Variants in GALC observed in about 807,000 individuals in gnomAD.
GALC encodes galactosylceramidase.
In GALC, 77 loss-of-function variants were observed where a neutral mutation model predicts 91.8. The ratio of observed to expected loss-of-function variants is 0.84; its 90% CI spans 0.70 to 1.01. GALC has a LOEUF of 1.01. Ranked by LOEUF, GALC falls within the 50% of genes least tolerant of loss-of-function variation. The pLI, the probability that GALC is intolerant of heterozygous loss-of-function variation, is 0.00. For missense variants in GALC, 882 were observed against 855.9 expected (o/e 1.03, Z -0.38); for synonymous variants, 357 against 306.7 (o/e 1.16, Z -1.71).
intron 16 of GALC, among the ~76,000 whole-genome samples, chr14:87,936,613 G>T (rs115362017): frequency 2.0e-5 from 3 of 151,714 alleles, no homozygotes; most frequent in African/African-American, 4.8e-5. Context: ...TGTCTGTTTC[G>T]TTCGCTGCTG....
Position 87,992,961 on chromosome 14 carries a change from G to C in GALC, c.195+9C>G. 6.6e-7 allele frequency: 1 copy of C among 1,513,160 alleles called. No homozygotes were observed. The highest frequency in any genetic ancestry group is 2.0e-5 in the Admixed American group (1 of 50,254). 93.7% of individuals were successfully genotyped at this position (1,513,160 alleles called of 1,614,324 possible). A position where few individuals can be genotyped will look rare whatever the true frequency, so the allele number is the denominator to read the frequency against. ...CGCCCCCCGCGTATCCCCGCAGCTTGCCGCTCACCCCGCCGCCGCTGACCG... is the reference window on the plus strand; with the variant it reads ...CGCCCCCCGCGTATCCCCGCAGCTTCCCGCTCACCCCGCCGCCGCTGACCG... On this transcript the variant is annotated intron_variant, in intron 1 of 16. Transcript: ENST00000261304.
At chr14:87,974,776 G>A (rs372876897) in intron 7 of GALC, among the ~76,000 whole-genome samples, 1 of 151,464 alleles carries the variant, frequency 6.6e-6, no homozygotes, top group East Asian at 1.9e-4. Flanking sequence ...AATACATTTG[G>A]TATTAAATGG....
intron 3 of GALC, chr14:87,987,025 C>A (rs1887004083): frequency 2.2e-6 from 1 of 455,568 alleles, no homozygotes; most frequent in Non-Finnish European, 4.4e-6. Flanking sequence ...GAGCCCTGTT[C>A]TCAGAACCCA....
At chr14:87,969,812 C>A (rs929482079) in intron 7 of GALC, among the ~76,000 whole-genome samples, 2 of 152,066 alleles carry the variant, frequency 1.3e-5, no homozygotes, top group African/African-American at 4.8e-5. Context: ...TGAATTAGGG[C>A]ACAATATCAA....
Position 87,982,190 on chromosome 14 carries a change from TA to T in GALC, c.621+14del. On this transcript the variant is annotated intron_variant, in intron 6 of 16. Coordinates refer to ENST00000261304, the MANE Select transcript of GALC (RefSeq NM_000153.4). ...TAAAAAGTTAAAAACAAAAAGATAC[TA>T]AAGTTGTACACACCTTAATATAATT... 6.9e-7 allele frequency: 1 copy of T among 1,442,076 alleles called. No homozygotes were observed. Among genetic ancestry groups the T allele is most frequent in the Non-Finnish European group, 9.7e-7 (1 of 1,030,988 alleles). 89.3% of individuals were successfully genotyped at this position (1,442,076 alleles called of 1,614,324 possible). A position where few individuals can be genotyped will look rare whatever the true frequency, so the allele number is the denominator to read the frequency against.
intron 9 of GALC, among the ~76,000 whole-genome samples, chr14:87,964,908 G>A (rs935779279): frequency 1.3e-5 from 2 of 151,980 alleles, no homozygotes; most frequent in Admixed American, 1.3e-4. Flanking sequence ...TCTTCAGTAC[G>A]TGCTCACTTT....
chr14:87,982,119 A>C lies in GALC; in HGVS notation c.621+86T>G, dbSNP rs1886773847. The C allele has an allele frequency of 4.1e-6, 3 of 731,942 alleles. No individual in the cohort carries two copies. In the Admixed American group the frequency reaches 7.3e-5, roughly 18 times the overall value. The allele number at this position is 731,942 out of a possible 1,614,324, so 45.3% of individuals were successfully genotyped here. A position where few individuals can be genotyped will look rare whatever the true frequency, so the allele number is the denominator to read the frequency against. On this transcript the variant is annotated intron_variant, in intron 6 of 16. Transcript: ENST00000261304. ...TAAAAAATACGGTATTTCCAACACAAATTTCCTACTATTTTCTGTGTTAGG... is the reference window on the plus strand; with the variant it reads ...TAAAAAATACGGTATTTCCAACACACATTTCCTACTATTTTCTGTGTTAGG...
intron 16 of GALC, among the ~76,000 whole-genome samples, chr14:87,938,838 G>A (rs1884704285): frequency 6.6e-6 from 1 of 151,814 alleles, no homozygotes; most frequent in African/African-American, 2.4e-5. Context: ...AATACCATAA[G>A]CAAAATTAGA....
At chr14:87,988,035 A>G in intron 3 of GALC, 109 bp downstream of exon 3, 1 of 835,200 alleles carries the variant, frequency 1.2e-6, no homozygotes, top group South Asian at 1.4e-5. Flanking sequence ...GCAACAATCA[A>G]TCTCAAAAGT....
At chr14:87,954,995 G>A (rs951398268) in intron 10 of GALC, 1 of 1,397,444 alleles carries the variant, frequency 7.2e-7, no homozygotes, top group Admixed American at 1.7e-5. Context: ...TGCCTCAACA[G>A]AGTGATAGTT....
chr14:87,990,643 C>T (rs2139763776), intron 1 of GALC, among the ~76,000 whole-genome samples: 1 of 152,344 alleles, frequency 6.6e-6, no homozygotes, highest in South Asian at 2.1e-4. Context: ...GCCATTAATA[C>T]TGTGCGTTTT....
chr14:87,955,282 G>A, intron 10 of GALC: 1 of 689,866 alleles, frequency 1.4e-6, no homozygotes, highest in South Asian at 1.7e-5. Context: ...AAACGATAGG[G>A]TTTTTGCTTT....
At chr14:87,947,938 AG>A in intron 12 of GALC, 60 bp from the exon 13 acceptor site, 2 of 1,482,164 alleles carry the variant, frequency 1.3e-6, no homozygotes, top group South Asian at 2.3e-5. Flanking sequence ...TCATGTGGAC[AG>A]AATAGCTTTA....
intron 5 of GALC, among the ~76,000 whole-genome samples, chr14:87,984,135 C>CAAAA (rs36113094): frequency 3.4e-5 from 4 of 116,268 alleles, no homozygotes; most frequent in Non-Finnish European, 3.6e-5. Context: ...TGGGTTGATA[C>CAAAA]AAAAAAAAAA....
chr14:87,940,640 A>G (rs1459324924), intron 15 of GALC, among the ~76,000 whole-genome samples: 1 of 151,970 alleles, frequency 6.6e-6, no homozygotes, highest in Non-Finnish European at 1.5e-5. Context: ...ATGAATATGT[A>G]ACTCTTGTTC....
In GALC at chr14:87,976,420, C is replaced by G; in HGVS notation, c.690G>C (p.Trp230Cys). 1 of 1,613,648 alleles carries G rather than the reference C, an allele frequency of 6.2e-7. No individual in the cohort carries two copies. The highest frequency in any genetic ancestry group is 8.5e-7 in the Non-Finnish European group (1 of 1,179,608). The change falls in exon 7 of 17, where the codon TGG becomes TGC. Residue 230 changes from tryptophan (W) to cysteine (C), a missense_variant. Coordinates refer to ENST00000261304, the MANE Select transcript of GALC (RefSeq NM_000153.4). ...RVKIIASDNLWESISASMLLD... is the reference protein window; with the variant it reads ...RVKIIASDNLCESISASMLLD... ...GGAGCATGGATGCAGAGATGGACTC[C>G]CAGAGATTATCACTTGCTATGATTT...
intron 16 of GALC, among the ~76,000 whole-genome samples, chr14:87,936,920 A>ATATATATATATATATATATATATATATT (rs1257801348): frequency 7.1e-6 from 1 of 141,396 alleles, no homozygotes; most frequent in African/African-American, 2.7e-5. Context: ...ATATTTATTT[A>ATATATATATATATATATATATATATATT]TTTTCTCATT....
At chr14:87,941,357 T>G (rs375602648) in intron 15 of GALC, 38 bp downstream of exon 15, 38 of 1,275,764 alleles carry the variant, frequency 3.0e-5, no homozygotes, top group Non-Finnish European at 4.2e-5. Flanking sequence ...ACATAGCCCA[T>G]AAGTCATATG....
At chr14:87,936,690 A>G (rs911968124) in intron 16 of GALC, among the ~76,000 whole-genome samples, 25 of 151,804 alleles carry the variant, frequency 1.6e-4, no homozygotes, top group African/African-American at 6.0e-4. Flanking sequence ...TATAAGAATG[A>G]AACACATTTA....
Sources: gnomAD v4.1 joint callset for allele counts (sites outside exome capture counted in the v4.1 genomes callset) on GRCh38, gnomAD v4.1.1 for gene constraint, MANE v1.5 for transcripts, NCBI Gene and HGNC (gene_info 2026-07-23, HGNC 2026-07-21) for gene names.